NCK2: variants seen among roughly 807,000 people sequenced by gnomAD.
NCK2 encodes cytoplasmic protein NCK2.
In NCK2, 16 loss-of-function variants were observed where a neutral mutation model predicts 33.9. The observed-to-expected ratio is 0.47, with a 90% confidence interval of 0.32 to 0.72. NCK2 has a LOEUF of 0.72. Among genes scored for constraint, NCK2 ranks in the 30% least tolerant of loss-of-function variants. The pLI is 0.03. For missense variants in NCK2, 418 were observed against 537.3 expected (o/e 0.78, Z 2.19); for synonymous variants, 273 against 239.9 (o/e 1.14, Z -1.27).
chr2:105,863,399 C>T (rs1018447700), intron 3 of NCK2, among the ~76,000 whole-genome samples: 5 of 152,142 alleles, frequency 3.3e-5, no homozygotes, highest in African/African-American at 4.8e-5. Context: ...CCGTCTGAGC[C>T]ACTGCATTCT....
chr2:105,842,867 T>C (rs1263425245), intron 2 of NCK2, among the ~76,000 whole-genome samples: 1 of 141,236 alleles, frequency 7.1e-6, no homozygotes. Flanking sequence ...CTGTGAGAAA[T>C]ATGATAGGCA....
At chr2:105,754,903 A>G (rs577586252) in intron 1 of NCK2, among the ~76,000 whole-genome samples, 1 of 152,188 alleles carries the variant, frequency 6.6e-6, no homozygotes, top group Admixed American at 6.5e-5. Context: ...ATCTAGCAAG[A>G]TGGTTATAGA....
chr2:105,768,451 C>T (rs1690019073), intron 1 of NCK2, among the ~76,000 whole-genome samples: 1 of 152,186 alleles, frequency 6.6e-6, no homozygotes, highest in South Asian at 2.1e-4. Context: ...AGTTGCATGT[C>T]CTAAGCCACC....
chr2:105,862,193 C>T (rs1677567856), intron 3 of NCK2, among the ~76,000 whole-genome samples: 1 of 152,068 alleles, frequency 6.6e-6, no homozygotes, highest in Non-Finnish European at 1.5e-5. Flanking sequence ...GGTAAAGACT[C>T]TAGAATTATG....
intron 1 of NCK2, among the ~76,000 whole-genome samples, chr2:105,761,207 G>A (rs562582171): frequency 6.6e-6 from 1 of 152,322 alleles, no homozygotes; most frequent in Non-Finnish European, 1.5e-5. Flanking sequence ...AGGTTTGGGT[G>A]TGTATGGGAG....
At chr2:105,767,870 G>A (rs908795285) in intron 1 of NCK2, among the ~76,000 whole-genome samples, 1 of 152,176 alleles carries the variant, frequency 6.6e-6, no homozygotes, top group Non-Finnish European at 1.5e-5. Context: ...CACTTAATAT[G>A]CACTTAATAA....
intron 2 of NCK2, among the ~76,000 whole-genome samples, chr2:105,837,232 G>A (rs1455609664): frequency 6.6e-6 from 1 of 152,138 alleles, no homozygotes; most frequent in East Asian, 1.9e-4. Flanking sequence ...TGCTGGGTGT[G>A]TCTCTAGTAG....
intron 3 of NCK2, among the ~76,000 whole-genome samples, chr2:105,859,999 T>C (rs1323001863): frequency 3.9e-5 from 6 of 152,190 alleles, no homozygotes; most frequent in Non-Finnish European, 5.9e-5. Context: ...AAAACAACAA[T>C]CAGGGCTGGG....
intron 1 of NCK2, among the ~76,000 whole-genome samples, chr2:105,797,801 C>A (rs1201281770): frequency 6.6e-6 from 1 of 152,178 alleles, no homozygotes; most frequent in Non-Finnish European, 1.5e-5. Flanking sequence ...AAACAAGATG[C>A]TTCTAGAAAA....
intron 2 of NCK2, among the ~76,000 whole-genome samples, chr2:105,838,310 G>GTT (rs72497538): frequency 1.3e-4 from 19 of 140,896 alleles, no homozygotes; most frequent in Non-Finnish European, 2.5e-4. Flanking sequence ...TTATTAAAAT[G>GTT]TTTTTTTTTT....
chr2:105,768,700 G>A (rs376168586), intron 1 of NCK2, among the ~76,000 whole-genome samples: 7 of 152,286 alleles, frequency 4.6e-5, no homozygotes, highest in East Asian at 1.9e-4. Flanking sequence ...CTCATCAGCT[G>A]CAGTTAATGT....
chr2:105,860,504 G>A (rs1009117581), intron 3 of NCK2, among the ~76,000 whole-genome samples: 11 of 152,112 alleles, frequency 7.2e-5, no homozygotes, highest in Admixed American at 3.9e-4. Context: ...GAGGGGCATC[G>A]CATTGCTGGA....
intron 1 of NCK2, among the ~76,000 whole-genome samples, chr2:105,790,741 CTG>C (rs1690849269): frequency 2.0e-5 from 3 of 152,324 alleles, no homozygotes; most frequent in Admixed American, 6.5e-5. Context: ...CTTCAGGAGA[CTG>C]TACCTGTTTC....
intron 1 of NCK2, among the ~76,000 whole-genome samples, chr2:105,767,368 A>G (rs146606090): frequency 2.8e-3 from 427 of 152,326 alleles, no homozygotes; most frequent in Non-Finnish European, 4.5e-3. Flanking sequence ...CCTTGTTTCC[A>G]CAATAACCTA....
intron 3 of NCK2, among the ~76,000 whole-genome samples, chr2:105,878,059 T>C (rs893501671): frequency 6.6e-6 from 1 of 152,232 alleles, no homozygotes; most frequent in Admixed American, 6.5e-5. Flanking sequence ...GGTGTCAAAG[T>C]CTGGCAGGCA....
At chr2:105,774,396 T>C (rs931533613) in intron 1 of NCK2, among the ~76,000 whole-genome samples, 1 of 152,132 alleles carries the variant, frequency 6.6e-6, no homozygotes, top group African/African-American at 2.4e-5. Flanking sequence ...CTTGGCTGTG[T>C]GATGATGGTC....
chr2:105,751,368 C>G (rs568198672), intron 1 of NCK2, among the ~76,000 whole-genome samples: 1 of 152,278 alleles, frequency 6.6e-6, no homozygotes, highest in East Asian at 1.9e-4. Context: ...TTTAACCATT[C>G]CTGCCAATCC....
intron 1 of NCK2, among the ~76,000 whole-genome samples, chr2:105,765,469 G>C (rs1327269217): frequency 6.6e-6 from 1 of 152,072 alleles, no homozygotes; most frequent in South Asian, 2.1e-4. Flanking sequence ...TCGAGCTGGT[G>C]GTCCCTTCTT....
chr2:105,892,538 T>TATAAAAC (rs1238876616), intron 4 of NCK2, among the ~76,000 whole-genome samples: 15 of 144,058 alleles, frequency 1.0e-4, no homozygotes, highest in Non-Finnish European at 1.9e-4. Flanking sequence ...CCGTTCTAGA[T>TATAAAAC]ATAAAACAGA....
Sources: allele counts gnomAD v4.1 joint callset (sites outside exome capture counted in the v4.1 genomes callset), GRCh38; gene constraint gnomAD v4.1.1; transcripts MANE v1.5; gene names NCBI Gene and HGNC (gene_info 2026-07-23, HGNC 2026-07-21).